The following ESR1 variants were observed in gnomAD, a reference collection of about 807,000 sequenced individuals.
ESR1 encodes the protein estrogen receptor 1.
In ESR1, 12 loss-of-function variants were observed where a neutral mutation model predicts 52.7. The ratio of observed to expected loss-of-function variants is 0.23; its 90% CI spans 0.15 to 0.37. The LOEUF is 0.37. Ranked by LOEUF, ESR1 falls within the 10% of genes least tolerant of loss-of-function variation. ESR1 has a pLI of 1.00. For missense variants in ESR1, 584 were observed against 779.7 expected (o/e 0.75, Z 2.99); for synonymous variants, 305 against 316.8 (o/e 0.96, Z 0.39).
At position 152,061,504 on chromosome 6, in the gene ESR1, A is replaced by G. The variant is rs537397699; in HGVS notation, c.1369+380A>G. Among the ~76,000 whole-genome samples the G allele has an allele frequency of 1.8e-4, 28 of 152,364 alleles. No individual in the cohort carries two copies. The highest frequency in any genetic ancestry group is 6.3e-4 in the African/African-American group (26 of 41,584). ...GAAATTGTGACCAATTCCAGGCTCC[A>G]GATAGTAAAGAAAGAGGGTTATTTG... On this transcript the variant is annotated intron_variant, in intron 6 of 7. Transcript: ENST00000206249. The surrounding 1 kb of genome is among the most constrained non-coding windows in gnomAD (Gnocchi z 4.3).
At chr6:151,974,886 T>C (rs569583145) in intron 4 of ESR1, among the ~76,000 whole-genome samples, 58 of 152,330 alleles carry the variant, frequency 3.8e-4, no homozygotes, top group African/African-American at 1.4e-3. Flanking sequence ...GCTAGTCTTT[T>C]CTACGTGTTT....
rs376984075 is a variant in ESR1 at position 152,094,563 on chromosome 6, C to T, written c.1548C>T (p.His516=). Reference sequence around the variant, plus strand: ...TCCTCATCCTCTCCCACATCAGGCACATGAGGTGAGGCATCTGTGGGCTTC... The same window carrying T: ...TCCTCATCCTCTCCCACATCAGGCATATGAGGTGAGGCATCTGTGGGCTTC... ...QLLLILSHIR[H]MSNKGMEHLY... The change falls in exon 7 of 8, where the codon CAC becomes CAT. Residue 516 remains histidine (H), a synonymous_variant. Coordinates refer to ENST00000206249, the MANE Select transcript of ESR1 (RefSeq NM_000125.4). This position sits in a 1 kb window ranked among gnomAD's most constrained non-coding sequence, Gnocchi z 4.6. 52 of 1,613,804 alleles carry T rather than the reference C, an allele frequency of 3.2e-5. No individual in the cohort carries two copies. Among genetic ancestry groups the T allele is most frequent in the Non-Finnish European group, 4.2e-5 (50 of 1,180,008 alleles).
upstream of ESR1, among the ~76,000 whole-genome samples, chr6:151,686,817 C>T (rs1778708294): frequency 6.6e-6 from 1 of 152,174 alleles, no homozygotes; most frequent in Non-Finnish European, 1.5e-5. Flanking sequence ...ACCAGAGGTG[C>T]CCTTGGATAC....
At chr6:152,027,789 A>G (rs2044280675) in intron 5 of ESR1, among the ~76,000 whole-genome samples, 1 of 152,182 alleles carries the variant, frequency 6.6e-6, no homozygotes, top group Non-Finnish European at 1.5e-5. Context: ...GGTACATAGA[A>G]TGTCTTTTGA....
chr6:151,898,679 G>C (rs1433655026), intron 3 of ESR1, among the ~76,000 whole-genome samples: 1 of 152,056 alleles, frequency 6.6e-6, no homozygotes, highest in East Asian at 1.9e-4. Flanking sequence ...AACCCTGAGT[G>C]GATACACCAC....
chr6:151,803,348 G>A (rs1777449322), upstream of ESR1, among the ~76,000 whole-genome samples: 6 of 152,204 alleles, frequency 3.9e-5, no homozygotes, highest in Admixed American at 3.9e-4. Context: ...TAGCATTTGG[G>A]CTGGACCTAT....
chr6:151,783,944 T>G (rs1025998181), intron 2 of ESR1, among the ~76,000 whole-genome samples: 1 of 152,244 alleles, frequency 6.6e-6, no homozygotes, highest in Non-Finnish European at 1.5e-5. Flanking sequence ...CATGTTTTTC[T>G]CATGATTAAC....
chr6:151,878,054 A>G (rs1438046547), intron 2 of ESR1, among the ~76,000 whole-genome samples: 1 of 151,892 alleles, frequency 6.6e-6, no homozygotes, highest in Non-Finnish European at 1.5e-5. Context: ...GTCTCAAACT[A>G]TCCTCCCACC....
chr6:152,042,534 A>T (rs2045892459), intron 5 of ESR1, among the ~76,000 whole-genome samples: 1 of 152,158 alleles, frequency 6.6e-6, no homozygotes, highest in Non-Finnish European at 1.5e-5. Flanking sequence ...TGGGAGAAAG[A>T]GTCACTGCAT....
intron 7 of ESR1, among the ~76,000 whole-genome samples, chr6:152,095,298 G>A (rs1306969154): frequency 6.6e-6 from 1 of 152,126 alleles, no homozygotes; most frequent in Non-Finnish European, 1.5e-5. Flanking sequence ...AGCTTACAAG[G>A]ACTTCCTCAT....
chr6:151,685,124 T>C (rs1778609243), intron 1 of ESR1, among the ~76,000 whole-genome samples: 20 of 70,026 alleles, frequency 2.9e-4, no homozygotes, highest in Non-Finnish European at 1.0e-4. Flanking sequence ...TTTTTTTTTT[T>C]TTTTTTTTTT....
intron 3 of ESR1, among the ~76,000 whole-genome samples, chr6:151,898,384 ATTT>A (rs371510396): frequency 4.0e-5 from 4 of 101,218 alleles, no homozygotes; most frequent in African/African-American, 1.1e-4. Context: ...GGTTTTGTTC[ATTT>A]TTTTTTTTTT....
At chr6:151,988,679 C>T (rs1398547041) in intron 4 of ESR1, among the ~76,000 whole-genome samples, 2 of 151,984 alleles carry the variant, frequency 1.3e-5, no homozygotes, top group Non-Finnish European at 2.9e-5. Flanking sequence ...ACCCCCATGA[C>T]ACAAGTTTAC....
chr6:151,804,321 T>C (rs1777568490), upstream of ESR1: 1 of 152,172 alleles, frequency 6.6e-6, no homozygotes, highest in African/African-American at 2.4e-5. Flanking sequence ...ACCTTCTTAT[T>C]CTTCCTATGT....
chr6:151,912,945 G>A (rs1409951930), intron 3 of ESR1, among the ~76,000 whole-genome samples: 1 of 152,000 alleles, frequency 6.6e-6, no homozygotes, highest in Non-Finnish European at 1.5e-5. Flanking sequence ...GGGAGGGAGA[G>A]CATTAGGACA....
At chr6:151,939,461 A>G (rs1005718261) in intron 3 of ESR1, among the ~76,000 whole-genome samples, 1 of 152,186 alleles carries the variant, frequency 6.6e-6, no homozygotes, top group African/African-American at 2.4e-5. Flanking sequence ...TCAATTATCC[A>G]TGCCACTCCT....
At chr6:151,810,777 A>G (rs919145454) in intron 1 of ESR1, among the ~76,000 whole-genome samples, 3 of 152,226 alleles carry the variant, frequency 2.0e-5, no homozygotes, top group African/African-American at 7.2e-5. Context: ...TTGTGATGTA[A>G]AATGTATTTC....
At chr6:152,128,131 G>C (rs566967785) in exon 7 of ESR1, 1 of 152,326 alleles carries the variant, frequency 6.6e-6, no homozygotes, top group Non-Finnish European at 1.5e-5. Context: ...AGTTGCAGTA[G>C]TGTTTTGAAG....
At chr6:151,904,030 G>A (rs752797332) in intron 3 of ESR1, among the ~76,000 whole-genome samples, 21 of 152,156 alleles carry the variant, frequency 1.4e-4, no homozygotes, top group Admixed American at 5.2e-4. Flanking sequence ...TTATGTCAGC[G>A]CTTGGCTAAA....
Sources: allele counts gnomAD v4.1 joint callset (sites outside exome capture counted in the v4.1 genomes callset), GRCh38; gene constraint gnomAD v4.1.1; non-coding constraint Gnocchi (gnomAD v3.1); transcripts MANE v1.5; gene names NCBI Gene and HGNC (gene_info 2026-07-23, HGNC 2026-07-21).